The following PRMT8 variants were observed in gnomAD, a reference collection of about 807,000 sequenced individuals.
PRMT8 encodes the protein protein arginine N-methyltransferase 8.
PRMT8 carries 7 observed loss-of-function variants against 47.1 expected under a neutral mutation model. The observed-to-expected ratio is 0.15, with a 90% confidence interval of 0.08 to 0.28. The LOEUF (loss-of-function observed/expected upper bound fraction) is 0.28, where lower values mean the gene tolerates loss of function less well. Ranked by LOEUF, PRMT8 falls within the 10% of genes least tolerant of loss-of-function variation. PRMT8 has a pLI of 1.00. For missense variants in PRMT8, 237 were observed against 505.4 expected (o/e 0.47, Z 5.09); for synonymous variants, 188 against 186.5 (o/e 1.01, Z -0.07).
intron 1 of PRMT8, among the ~76,000 whole-genome samples, chr12:3,533,284 C>G (rs1866063162): frequency 6.6e-6 from 1 of 152,124 alleles, no homozygotes; most frequent in South Asian, 2.1e-4. Context: ...CCAGAGCAAG[C>G]TGGGGAGCCC....
intron 1 of PRMT8, among the ~76,000 whole-genome samples, chr12:3,522,776 G>A (rs553530170): frequency 6.6e-6 from 1 of 150,444 alleles, no homozygotes; most frequent in East Asian, 1.9e-4. Flanking sequence ...TCAAAAAACT[G>A]GAAAACAAAC....
intron 1 of PRMT8, among the ~76,000 whole-genome samples, chr12:3,521,349 G>A (rs1236861317): frequency 6.6e-6 from 1 of 152,220 alleles, no homozygotes; most frequent in South Asian, 2.1e-4. Flanking sequence ...CGAGGCAGGC[G>A]GATCACTTGA....
In PRMT8 at chr12:3,576,850, C is replaced by G; in HGVS notation, c.713-21C>G. 1 of 1,604,122 alleles carries G rather than the reference C, an allele frequency of 6.2e-7. No homozygotes were observed. The highest frequency in any genetic ancestry group is 8.5e-7 in the Non-Finnish European group (1 of 1,171,350). ...TCTGGGGGTCCTGCGCCTGCCTTCA[C>G]GTCTTGCTCTGCTCCCACAGGGTGG... On this transcript the variant is annotated intron_variant, in intron 6 of 9. Coordinates refer to ENST00000382622, the MANE Select transcript of PRMT8 (RefSeq NM_019854.5). The surrounding 1 kb of genome is among the most constrained non-coding windows in gnomAD (Gnocchi z 4.0).
At chr12:3,489,646 T>C (rs1161673832), upstream of PRMT8, among the ~76,000 whole-genome samples, 9 of 152,008 alleles carry the variant, frequency 5.9e-5, no homozygotes, top group East Asian at 1.5e-3. Context: ...ATTCTCCAGA[T>C]TCACATTTAT....
chr12:3,540,511 G>A (rs920466766), intron 1 of PRMT8, 95 bp from the exon 2 acceptor site: 12 of 829,346 alleles, frequency 1.4e-5, no homozygotes, highest in South Asian at 8.1e-5. Flanking sequence ...GCTTGAGGCC[G>A]GGCTCAGGGA....
intron 1 of PRMT8, among the ~76,000 whole-genome samples, chr12:3,425,482 T>C (rs1864594377): frequency 6.6e-6 from 1 of 152,262 alleles, no homozygotes; most frequent in African/African-American, 2.4e-5. Flanking sequence ...ACACAGATAG[T>C]GTAAAAGGTT....
Position 3,586,583 on chromosome 12 carries a change from C to T in PRMT8, c.979+3375C>T, listed in dbSNP as rs150657192. ...CCTGGACGGGTAACACCAGTATCAC[C>T]TGGGAAATTGTTAGAATTGCAAATT... On this transcript the variant is annotated intron_variant, in intron 8 of 9. Coordinates refer to ENST00000382622, the MANE Select transcript of PRMT8 (RefSeq NM_019854.5). 6.8e-3 allele frequency among the ~76,000 whole-genome samples: 1,032 copies of T among 152,278 alleles called. 10 individuals carry two copies. The highest frequency in any genetic ancestry group is 0.02 in the Middle Eastern group (6 of 294).
At chr12:3,397,868 A>T (rs7976172) in intron 1 of PRMT8, among the ~76,000 whole-genome samples, 1 of 152,060 alleles carries the variant, frequency 6.6e-6, no homozygotes, top group Non-Finnish European at 1.5e-5. Flanking sequence ...GCGAGACTCC[A>T]TGGGCGTAGG....
intron 1 of PRMT8, among the ~76,000 whole-genome samples, chr12:3,382,621 C>T (rs551343886): frequency 3.3e-5 from 5 of 152,052 alleles, no homozygotes; most frequent in East Asian, 1.9e-4. Context: ...ACTAGTTCTT[C>T]GTCAGATATG....
Position 3,415,745 on chromosome 12 carries a change from A to G in PRMT8, c.48+34303A>G, listed in dbSNP as rs369252972. 6.6e-5 allele frequency among the ~76,000 whole-genome samples: 10 copies of G among 152,352 alleles called. No homozygotes were observed. In the East Asian group the frequency reaches 1.5e-3, roughly 23 times the overall value. On this transcript the variant is annotated intron_variant, in intron 1 of 9. Transcript: ENST00000452611. ...CCAAGAGCTGGAAAGGAATCAGTAC[A>G]TCTTCTCCAAACCCCTCACTGTCGT...
chr12:3,550,356 CT>C lies in PRMT8; in HGVS notation c.417+268del. On this transcript the variant is annotated intron_variant, in intron 3 of 9. Coordinates refer to ENST00000382622, the MANE Select transcript of PRMT8 (RefSeq NM_019854.5). The surrounding 1 kb of genome is among the most constrained non-coding windows in gnomAD (Gnocchi z 5.1). ...GAGACCATTCCAATGTCATCATGAC[CT>C]TTCAGTGCTTAGCCCCAAGGTCAGC... is the stretch of plus-strand genomic sequence containing the variant. The C allele has an allele frequency of 2.4e-6, 1 of 411,208 alleles. No homozygotes were observed. Among genetic ancestry groups the C allele is most frequent in the Non-Finnish European group, 4.5e-6 (1 of 224,044 alleles). The allele number at this position is 411,208 out of a possible 1,614,324, so 25.5% of individuals were successfully genotyped here. A position where few individuals can be genotyped will look rare whatever the true frequency, so the allele number is the denominator to read the frequency against.
chr12:3,480,123 C>T (rs1407087435), intron 1 of PRMT8, among the ~76,000 whole-genome samples: 1 of 152,238 alleles, frequency 6.6e-6, no homozygotes, highest in African/African-American at 2.4e-5. Flanking sequence ...GAAAGACCTT[C>T]TCTGCAAGTC....
At chr12:3,529,159 C>T (rs1865989410) in intron 1 of PRMT8, among the ~76,000 whole-genome samples, 1 of 152,202 alleles carries the variant, frequency 6.6e-6, no homozygotes, top group Non-Finnish European at 1.5e-5. Context: ...CAAACTTTAT[C>T]TGTCTTGCTG....
Position 3,493,487 on chromosome 12 carries a change from C to A in PRMT8, c.75+1787C>A, listed in dbSNP as rs1262186480. Among the ~76,000 whole-genome samples the A allele has an allele frequency of 6.6e-6, 1 of 152,232 alleles. No homozygotes were observed. ...TCCCTGCATTTCCACCTCACCCCAC[C>A]CCCGGCTCATTTTTCTAAGAAAAAG... is the stretch of plus-strand genomic sequence containing the variant. On this transcript the variant is annotated intron_variant, in intron 1 of 9. Coordinates refer to ENST00000382622, the MANE Select transcript of PRMT8 (RefSeq NM_019854.5). The surrounding 1 kb of genome is among the most constrained non-coding windows in gnomAD (Gnocchi z 8.2).
intron 1 of PRMT8, among the ~76,000 whole-genome samples, chr12:3,536,415 A>T (rs551570104): frequency 1.8e-4 from 27 of 152,228 alleles, no homozygotes; most frequent in Non-Finnish European, 3.2e-4. Flanking sequence ...CAGACACTTC[A>T]TAAGCTGGCT....
chr12:3,420,262 T>G (rs1327569584), intron 1 of PRMT8, among the ~76,000 whole-genome samples: 1 of 152,024 alleles, frequency 6.6e-6, no homozygotes, highest in East Asian at 1.9e-4. Context: ...CAGCGACCCA[T>G]AACAAGTGGG....
chr12:3,455,449 C>T (rs895156343), intron 1 of PRMT8, among the ~76,000 whole-genome samples: 6 of 152,060 alleles, frequency 3.9e-5, no homozygotes, highest in Non-Finnish European at 8.8e-5. Flanking sequence ...TCGATGCTGC[C>T]CTCACTTGTG....
chr12:3,418,281 C>G (rs1287714503), intron 1 of PRMT8, among the ~76,000 whole-genome samples: 1 of 152,216 alleles, frequency 6.6e-6, no homozygotes, highest in African/African-American at 2.4e-5. Context: ...TCCTTAGCAA[C>G]CTTCACAGCT....
chr12:3,442,700 C>T (rs1460145159), intron 1 of PRMT8, among the ~76,000 whole-genome samples: 1 of 152,160 alleles, frequency 6.6e-6, no homozygotes, highest in African/African-American at 2.4e-5. Flanking sequence ...ACTCTGTCAC[C>T]CAGGCTGGAG....
Sources: allele counts gnomAD v4.1 joint callset (sites outside exome capture counted in the v4.1 genomes callset), GRCh38; gene constraint gnomAD v4.1.1; non-coding constraint Gnocchi (gnomAD v3.1); transcripts MANE v1.5; gene names NCBI Gene and HGNC (gene_info 2026-07-23, HGNC 2026-07-21).